The following PACRG variants were observed in gnomAD, a reference collection of about 807,000 sequenced individuals.
PACRG encodes the protein parkin coregulated, also known as parkin coregulated gene protein.
A neutral mutation model predicts 29.7 loss-of-function variants in PACRG; 29 were observed. That is an observed-to-expected ratio of 0.98 (90% confidence interval 0.73 to 1.33). The LOEUF (loss-of-function observed/expected upper bound fraction) is 1.33. Among genes scored for constraint, PACRG ranks in the 40% most tolerant of loss-of-function variants. PACRG has a pLI of 0.00. For missense variants in PACRG, 279 were observed against 316.2 expected (o/e 0.88, Z 0.89); for synonymous variants, 116 against 118.7 (o/e 0.98, Z 0.15).
chr6:163,095,491 A>G (rs1482003283), intron 4 of PACRG: 2 of 916,980 alleles, frequency 2.2e-6, no homozygotes, highest in Non-Finnish European at 2.6e-6. Flanking sequence ...GGCTTAAACA[A>G]CAGAAATGTA....
Position 162,944,790 on chromosome 6 carries a change from AAG to A in PACRG, c.292-117359_292-117358del, listed in dbSNP as rs550029277. Among the ~76,000 whole-genome samples the A allele has an allele frequency of 3.9e-5, 6 of 152,258 alleles. No homozygotes were observed. In the South Asian group the frequency reaches 1.2e-3, roughly 32 times the overall value. ...ACCCAGTCAGACAAAAAAAAGGAAA[AAG>A]GATTAAAAAAATGAACAAGGACTTT... On this transcript the variant is annotated intron_variant, in intron 2 of 4. Coordinates refer to ENST00000366888, the MANE Select transcript of PACRG (RefSeq NM_001080379.2).
chr6:163,139,154 C>T (rs1817054787), intron 4 of PACRG, among the ~76,000 whole-genome samples: 1 of 152,240 alleles, frequency 6.6e-6, no homozygotes, highest in South Asian at 2.1e-4. Context: ...AGAATCCATT[C>T]CTGGCCTCCC....
intron 4 of PACRG, among the ~76,000 whole-genome samples, chr6:163,260,342 C>G (rs924899935): frequency 2.0e-5 from 3 of 152,112 alleles, no homozygotes; most frequent in Admixed American, 2.0e-4. Context: ...TTGGTTTGGT[C>G]TCTTCTAGAC....
chr6:162,992,555 T>C (rs542344458), intron 2 of PACRG, among the ~76,000 whole-genome samples: 7,214 of 134,306 alleles, frequency 0.054, 530 homozygotes, highest in African/African-American at 0.16. Flanking sequence ...TCTCTGATGG[T>C]AGTTTGTATT....
intron 2 of PACRG, among the ~76,000 whole-genome samples, chr6:162,994,240 G>C (rs1176247141): frequency 1.4e-5 from 2 of 142,760 alleles, no homozygotes; most frequent in African/African-American, 5.6e-5. Flanking sequence ...TCTTCTCGAG[G>C]AGTATCTTTG....
At chr6:163,086,370 A>G (rs1328345639) in intron 3 of PACRG, among the ~76,000 whole-genome samples, 2 of 152,228 alleles carry the variant, frequency 1.3e-5, no homozygotes, top group Non-Finnish European at 2.9e-5. Flanking sequence ...CTCTTAAGCT[A>G]AATGATAGCA....
chr6:163,044,982 G>C (rs545058419), intron 2 of PACRG, among the ~76,000 whole-genome samples: 1 of 152,230 alleles, frequency 6.6e-6, no homozygotes. Context: ...GCATTCAGCT[G>C]TTTAACTGGG....
At chr6:163,081,849 TA>T (rs376521271) in intron 3 of PACRG, among the ~76,000 whole-genome samples, 1 of 152,208 alleles carries the variant, frequency 6.6e-6, no homozygotes, top group Admixed American at 6.5e-5. Context: ...ATAAGAATGA[TA>T]AAAAAACTAA....
intron 1 of PACRG, among the ~76,000 whole-genome samples, chr6:162,789,378 T>C (rs144811470): frequency 6.6e-6 from 1 of 152,270 alleles, no homozygotes; most frequent in East Asian, 1.9e-4. Context: ...AAATTTCTTT[T>C]ATTTAGTTTT....
At chr6:163,259,041 A>C (rs1783223154) in intron 4 of PACRG, among the ~76,000 whole-genome samples, 1 of 152,178 alleles carries the variant, frequency 6.6e-6, no homozygotes, top group Non-Finnish European at 1.5e-5. Flanking sequence ...TCTCCACATC[A>C]ATGGTCATGG....
chr6:162,931,519 AT>A (rs1168651247), intron 2 of PACRG, among the ~76,000 whole-genome samples: 1 of 151,954 alleles, frequency 6.6e-6, no homozygotes, highest in Non-Finnish European at 1.5e-5. Context: ...ATATGGATCA[AT>A]TTTTGCAGTT....
rs558935500 is a variant in PACRG at position 163,272,513 on chromosome 6, A to G, written c.614-42314A>G. Among the ~76,000 whole-genome samples the G allele has an allele frequency of 2.6e-5, 4 of 152,214 alleles. No individual in the cohort carries two copies. The South Asian group carries it at 8.3e-4, about 32-fold the overall frequency. The stretch of plus-strand genomic sequence containing the variant: ...TATTTTTCTTGTAATAGCATTGACT[A>G]TTTCCTATAGTAATAGCACTGTGTA... On this transcript the variant is annotated intron_variant, in intron 4 of 4. Transcript: ENST00000366888.
intron 2 of PACRG, among the ~76,000 whole-genome samples, chr6:162,912,266 C>T (rs7752376): frequency 0.5 from 76,319 of 152,066 alleles, 22,902 homozygotes; most frequent in African/African-American, 0.85. Context: ...CTCCAATTCC[C>T]TTCTGCCACT....
At chr6:163,084,670 T>TTCA (rs1258575442) in intron 3 of PACRG, among the ~76,000 whole-genome samples, 1 of 152,070 alleles carries the variant, frequency 6.6e-6, no homozygotes, top group Non-Finnish European at 1.5e-5. Context: ...ACCATGTTAA[T>TTCA]TCAGGCAAGG....
At chr6:163,058,299 G>C (rs924773584) in intron 2 of PACRG, among the ~76,000 whole-genome samples, 1 of 152,064 alleles carries the variant, frequency 6.6e-6, no homozygotes, top group African/African-American at 2.4e-5. Flanking sequence ...CTGCCTATTG[G>C]GCACCGTAGA....
chr6:162,776,837 G>A (rs1783680958), intron 1 of PACRG, among the ~76,000 whole-genome samples: 1 of 152,164 alleles, frequency 6.6e-6, no homozygotes, highest in South Asian at 2.1e-4. Context: ...AAAAATATTT[G>A]TGATTCTCCT....
At position 163,026,772 on chromosome 6, in the gene PACRG, T is replaced by G. The variant is rs554099934; in HGVS notation, c.292-35378T>G. On this transcript the variant is annotated intron_variant, in intron 2 of 4. Transcript: ENST00000366888. ...CTTAGCAAATATTTTGTTGAATGAC[T>G]AAATAAGGCGTTTCATAGCTGGAAA... Among the ~76,000 whole-genome samples the G allele has an allele frequency of 2.0e-5, 3 of 152,340 alleles. No homozygotes were observed. The South Asian group carries it at 6.2e-4, about 32-fold the overall frequency.
chr6:163,287,829 C>A (rs1784452019), intron 4 of PACRG, among the ~76,000 whole-genome samples: 1 of 152,146 alleles, frequency 6.6e-6, no homozygotes, highest in African/African-American at 2.4e-5. Context: ...AACGGTGTGG[C>A]CCGACCGTGG....
At chr6:162,883,287 C>G (rs1794057549) in intron 2 of PACRG, among the ~76,000 whole-genome samples, 1 of 152,122 alleles carries the variant, frequency 6.6e-6, no homozygotes, top group Non-Finnish European at 1.5e-5. Flanking sequence ...GTTTTCCTTT[C>G]AGCTCTCATG....
Sources: allele counts gnomAD v4.1 joint callset (sites outside exome capture counted in the v4.1 genomes callset), GRCh38; gene constraint gnomAD v4.1.1; transcripts MANE v1.5; gene names NCBI Gene and HGNC (gene_info 2026-07-23, HGNC 2026-07-21).